Variants in NTAQ1 observed in about 807,000 individuals in gnomAD.
NTAQ1 encodes the protein protein N-terminal glutamine amidohydrolase.
In NTAQ1, 21 loss-of-function variants were observed where a neutral mutation model predicts 28.2. The ratio of observed to expected loss-of-function variants is 0.74; its 90% CI spans 0.53 to 1.07. The LOEUF (loss-of-function observed/expected upper bound fraction) is 1.07. Ranked by LOEUF, NTAQ1 falls within the 50% of genes least tolerant of loss-of-function variation. NTAQ1 has a pLI of 0.00. For synonymous variants in NTAQ1, 105 were observed against 90.0 expected, an observed-to-expected ratio of 1.17 and a Z score of -0.94; for missense variants, 264 against 256.6, an observed-to-expected ratio of 1.03 and a Z score of -0.20.
rs139072071 is a variant in NTAQ1 at position 123,453,898 on chromosome 8, C to A, written c.372+12549C>A. On this transcript the variant is annotated intron_variant, in intron 6 of 6. Coordinates refer to the NTAQ1 transcript ENST00000650311. ...TGAGTGGTGGAGACAGGATTTGAAT[C>A]TAGGCATTCCCACTCCAGGGCCTGG... Among the ~76,000 whole-genome samples, 10 of 152,320 alleles carry A rather than the reference C, an allele frequency of 6.6e-5. No individual in the cohort carries two copies. The East Asian group carries it at 1.9e-3, about 29-fold the overall frequency.
chr8:123,424,147 A>G (rs796930689), intron 1 of NTAQ1, among the ~76,000 whole-genome samples: 3 of 138,558 alleles, frequency 2.2e-5, no homozygotes, highest in East Asian at 2.1e-4. Flanking sequence ...ATCTTGGCTC[A>G]CTGCAACCTG....
Position 123,442,227 on chromosome 8 carries a change from A to C in NTAQ1, c.*812A>C, listed in dbSNP as rs1815103429. ...ATATAGTACCAGCTCTCATGTTTTC[A>C]TGATTCTACTTTAAAAATGAACAAC... On this transcript the variant is annotated 3_prime_UTR_variant, in exon 6 of 6. Transcript: ENST00000287387. 2.0e-5 allele frequency: 3 copies of C among 152,170 alleles called. No homozygotes were observed. The highest frequency in any genetic ancestry group is 7.2e-5 in the African/African-American group (3 of 41,446). The allele number at this position is 152,170 out of a possible 1,614,324, so 9.4% of individuals were successfully genotyped here. A position where few individuals can be genotyped will look rare whatever the true frequency, so the allele number is the denominator to read the frequency against.
downstream of NTAQ1, among the ~76,000 whole-genome samples, chr8:123,471,396 C>G (rs1472438529): frequency 2.0e-5 from 3 of 152,172 alleles, no homozygotes; most frequent in African/African-American, 7.2e-5. Context: ...TCAGGGTTCT[C>G]CAGAGAAACA....
intron 1 of NTAQ1, among the ~76,000 whole-genome samples, chr8:123,419,387 C>T (rs1813527405): frequency 6.6e-6 from 1 of 152,068 alleles, no homozygotes; most frequent in Non-Finnish European, 1.5e-5. Flanking sequence ...GTGTGAGTCA[C>T]CGTGCCCGGC....
intron 3 of NTAQ1, among the ~76,000 whole-genome samples, chr8:123,434,697 G>A (rs12675059): frequency 0.36 from 54,959 of 151,828 alleles, 10,045 homozygotes; most frequent in East Asian, 0.56. Context: ...TGGATAAGGC[G>A]GAGATTCTGG....
At chr8:123,419,010 A>G (rs1465699060) in intron 1 of NTAQ1, among the ~76,000 whole-genome samples, 1 of 151,560 alleles carries the variant, frequency 6.6e-6, no homozygotes, top group African/African-American at 2.4e-5. Context: ...CTTGCTGAGA[A>G]CCAGTGCTCT....
downstream of NTAQ1, among the ~76,000 whole-genome samples, chr8:123,451,551 C>G (rs1815493225): frequency 6.6e-6 from 1 of 151,984 alleles, no homozygotes; most frequent in South Asian, 2.1e-4. Flanking sequence ...GTTGGCCAGT[C>G]TGGTCTCGAA....
chr8:123,442,771 T>A (rs1173010253), downstream of NTAQ1, among the ~76,000 whole-genome samples: 2 of 141,948 alleles, frequency 1.4e-5, no homozygotes, highest in African/African-American at 5.2e-5. Flanking sequence ...CAGGTTCAAG[T>A]GATTCTCGTG....
At chr8:123,440,300 C>T (rs1191018385) in intron 5 of NTAQ1, among the ~76,000 whole-genome samples, 2 of 151,424 alleles carry the variant, frequency 1.3e-5, no homozygotes, top group Admixed American at 6.6e-5. Flanking sequence ...GGATTCTAGG[C>T]ACCCACTACC....
At chr8:123,472,903 CT>C (rs1490902067), downstream of NTAQ1, among the ~76,000 whole-genome samples, 1 of 152,214 alleles carries the variant, frequency 6.6e-6, no homozygotes, top group African/African-American at 2.4e-5. Context: ...CCTTCTTCCC[CT>C]CTGCCCTCTT....
At chr8:123,422,616 T>C (rs1340419237) in intron 1 of NTAQ1, among the ~76,000 whole-genome samples, 2 of 151,666 alleles carry the variant, frequency 1.3e-5, no homozygotes, top group Non-Finnish European at 2.9e-5. Flanking sequence ...GTTTTTTTTT[T>C]TTTTTTTGCT....
chr8:123,436,547 C>T lies in NTAQ1; in HGVS notation c.329C>T (p.Thr110Ile). The change falls in exon 4 of 6, where the codon ACT becomes ATT. Residue 110 changes from threonine to isoleucine, a missense_variant. Transcript: ENST00000287387. ...TVLPFPCLFD[T>I]YVEDAFKSDD... ...TTGCCATTTCCCTGCCTCTTTGACA[C>T]TTATGTAGAAGATGCCTTTAAGTCT... 1 of 1,614,012 alleles carries T rather than the reference C, an allele frequency of 6.2e-7. No homozygotes were observed. Among genetic ancestry groups the T allele is most frequent in the African/African-American group, 1.3e-5 (1 of 75,034 alleles).
intron 1 of NTAQ1, among the ~76,000 whole-genome samples, chr8:123,423,276 C>G (rs1813827872): frequency 7.2e-6 from 1 of 138,378 alleles, no homozygotes; most frequent in South Asian, 2.5e-4. Flanking sequence ...TTCTGTCTCT[C>G]TCTTTCCTTC....
chr8:123,418,237 G>T (rs1050563247), intron 1 of NTAQ1, among the ~76,000 whole-genome samples: 3 of 152,090 alleles, frequency 2.0e-5, no homozygotes, highest in African/African-American at 7.2e-5. Flanking sequence ...GATCTCTTGA[G>T]GCCAGGAGTC....
At chr8:123,428,700 A>G (rs1002333054) in intron 2 of NTAQ1, among the ~76,000 whole-genome samples, 4 of 151,918 alleles carry the variant, frequency 2.6e-5, no homozygotes, top group African/African-American at 9.7e-5. Flanking sequence ...TCCCAGGTTC[A>G]AGTGATTTTT....
intron 6 of NTAQ1, among the ~76,000 whole-genome samples, chr8:123,456,577 C>T (rs368157423): frequency 8.7e-4 from 132 of 152,290 alleles, no homozygotes; most frequent in African/African-American, 2.9e-3. Context: ...TATGTTTGGG[C>T]ACTTCCCCAA....
chr8:123,445,526 G>A (rs1430938876), downstream of NTAQ1, among the ~76,000 whole-genome samples: 2 of 130,038 alleles, frequency 1.5e-5, no homozygotes, highest in Non-Finnish European at 3.4e-5. Flanking sequence ...GCTTCTTGGT[G>A]TGCCAAAAAA....
At chr8:123,447,940 T>G (rs1212499658) in intron 6 of NTAQ1, 1 of 152,242 alleles carries the variant, frequency 6.6e-6, no homozygotes, top group Non-Finnish European at 1.5e-5. Context: ...GCAGCCAGTG[T>G]GGCCATGTGA....
At chr8:123,457,142 C>T (rs1004831007) in intron 6 of NTAQ1, among the ~76,000 whole-genome samples, 2 of 152,192 alleles carry the variant, frequency 1.3e-5, no homozygotes, top group Non-Finnish European at 2.9e-5. Context: ...TCTCGGCTCA[C>T]CGCAACCTCT....
Sources: allele counts gnomAD v4.1 joint callset (sites outside exome capture counted in the v4.1 genomes callset), GRCh38; gene constraint gnomAD v4.1.1; transcripts MANE v1.5; gene names NCBI Gene and HGNC (gene_info 2026-07-23, HGNC 2026-07-21).